PLEKHA1: variants seen among roughly 807,000 people sequenced by gnomAD.
PLEKHA1 encodes pleckstrin homology domain-containing family A member 1.
PLEKHA1 carries 34 observed loss-of-function variants against 52.0 expected under a neutral mutation model. The observed-to-expected ratio is 0.65, with a 90% CI of 0.50 to 0.87. PLEKHA1 has a LOEUF of 0.87. Among genes scored for constraint, PLEKHA1 ranks in the 40% least tolerant of loss-of-function variants. The pLI is 0.00. For missense variants in PLEKHA1, 497 were observed against 504.2 expected, an observed-to-expected ratio of 0.99 and a Z score of 0.14; for synonymous variants, 163 against 170.7, an observed-to-expected ratio of 0.95 and a Z score of 0.35.
intron 11 of PLEKHA1, chr10:122,428,367 A>G: frequency 3.2e-6 from 5 of 1,544,550 alleles, no homozygotes; most frequent in Non-Finnish European, 4.4e-6. Flanking sequence ...TCTCACGCAA[A>G]CGTGCCTTCT....
intron 10 of PLEKHA1, chr10:122,425,294 C>G (rs931355646): frequency 5.6e-6 from 1 of 178,182 alleles, no homozygotes; most frequent in Non-Finnish European, 1.2e-5. Flanking sequence ...TTTTTGGTAA[C>G]CTTATTAAAA....
chr10:122,409,768 A>T (rs958121386), intron 5 of PLEKHA1, among the ~76,000 whole-genome samples: 1 of 150,636 alleles, frequency 6.6e-6, no homozygotes, highest in Non-Finnish European at 1.5e-5. Flanking sequence ...TGACAATTTC[A>T]TTCTTTCTTT....
chr10:122,410,785 T>A (rs2097096360), intron 5 of PLEKHA1, among the ~76,000 whole-genome samples: 1 of 152,200 alleles, frequency 6.6e-6, no homozygotes, highest in South Asian at 2.1e-4. Context: ...TTTAAAGGTT[T>A]TTCCTAATAA....
In PLEKHA1 at chr10:122,409,602, T is replaced by C. The variant is rs1367301770; in HGVS notation, c.342+2929T>C. Among the ~76,000 whole-genome samples, 9 of 152,310 alleles carry C rather than the reference T, an allele frequency of 5.9e-5. No homozygotes were observed. The East Asian group carries it at 1.7e-3, about 29-fold the overall frequency. ...TTTAAAAATAAATGTTCGATTTGAA[T>C]CTAAAAATTAGTACTTTGAATTTGT... is the stretch of plus-strand genomic sequence containing the variant. On this transcript the variant is annotated intron_variant, in intron 5 of 11. Coordinates refer to ENST00000368990, the MANE Select transcript of PLEKHA1 (RefSeq NM_001001974.4).
At chr10:122,439,153 CTCTTT>C in the PLEKHA1 span, 1 of 152,064 alleles carries the variant, frequency 6.6e-6, no homozygotes, top group African/African-American at 2.4e-5. Flanking sequence ...ATTTTTATCC[CTCTTT>C]AATTTGGTGA....
chr10:122,416,880 T>A (rs1481429012), intron 7 of PLEKHA1: 1 of 154,044 alleles, frequency 6.5e-6, no homozygotes, highest in Non-Finnish European at 1.5e-5. Context: ...GCCAGGGGAA[T>A]GTCCTTTCAC....
chr10:122,394,204 A>T (rs1419406732), intron 2 of PLEKHA1, among the ~76,000 whole-genome samples: 1 of 149,784 alleles, frequency 6.7e-6, no homozygotes, highest in African/African-American at 2.5e-5. Flanking sequence ...CCTCCCGAGT[A>T]GCTGGGACTA....
At position 122,413,177 on chromosome 10, in the gene PLEKHA1, T is replaced by C. The variant is rs913543133; in HGVS notation, c.468+132T>C. 7 of 795,854 alleles carry C rather than the reference T, an allele frequency of 8.8e-6. No homozygotes were observed. In the African/African-American group the frequency reaches 1.1e-4, roughly 12 times the overall value. 49.3% of individuals were successfully genotyped at this position (795,854 alleles called of 1,614,324 possible). ...ATTACTATAAAATATTTTTGTTTAT[T>C]TCAAAAGTATTTATTATAAAAAATT... On this transcript the variant is annotated intron_variant, in intron 6 of 11. Coordinates refer to ENST00000368990, the MANE Select transcript of PLEKHA1 (RefSeq NM_001001974.4).
chr10:122,428,689 AATGC>A (rs2097375671), intron 11 of PLEKHA1, among the ~76,000 whole-genome samples: 2 of 152,228 alleles, frequency 1.3e-5, no homozygotes, highest in Non-Finnish European at 2.9e-5. Flanking sequence ...TATGCAAACT[AATGC>A]ATGCATATGC....
chr10:122,399,299 T>C (rs1439315995), intron 3 of PLEKHA1, among the ~76,000 whole-genome samples: 1 of 152,200 alleles, frequency 6.6e-6, no homozygotes, highest in East Asian at 1.9e-4. Context: ...GCTACAATTA[T>C]AAGTTCTATC....
At chr10:122,437,803 T>C in the PLEKHA1 span, 1 of 152,370 alleles carries the variant, frequency 6.6e-6, no homozygotes, top group East Asian at 1.9e-4. Flanking sequence ...AAATGCCCTT[T>C]GTGTTTGGCA....
chr10:122,384,406 A>C (rs554003216), intron 1 of PLEKHA1, among the ~76,000 whole-genome samples: 13 of 150,330 alleles, frequency 8.6e-5, no homozygotes, highest in Non-Finnish European at 1.6e-4. Flanking sequence ...CAGGAGATTG[A>C]GACCATCCTG....
intron 1 of PLEKHA1, among the ~76,000 whole-genome samples, chr10:122,385,797 G>A (rs1485904092): frequency 1.3e-5 from 2 of 152,092 alleles, no homozygotes; most frequent in African/African-American, 4.8e-5. Flanking sequence ...TTTATTAGTT[G>A]CGCATGTATC....
downstream of PLEKHA1, chr10:122,436,993 C>CTTTTTTTTTTTTTT (rs34565375): frequency 1.2e-5 from 1 of 84,856 alleles, no homozygotes; most frequent in Non-Finnish European, 2.1e-5. Context: ...TTACATCAGC[C>CTTTTTTTTTTTTTT]TTTTTTTTTT....
downstream of PLEKHA1, chr10:122,435,937 TC>T (rs1383385141): frequency 6.6e-6 from 1 of 151,768 alleles, no homozygotes; most frequent in Admixed American, 6.6e-5. Context: ...TTACTCAGTT[TC>T]CCCCCAACAG....
intron 7 of PLEKHA1, 114 bp downstream of exon 7, chr10:122,416,116 G>C: frequency 1.8e-6 from 2 of 1,142,822 alleles, no homozygotes; most frequent in Non-Finnish European, 2.4e-6. Context: ...GTGAGAGACC[G>C]GCATGCTGAG....
chr10:122,382,210 C>T (rs1431950838), intron 1 of PLEKHA1, among the ~76,000 whole-genome samples: 1 of 152,134 alleles, frequency 6.6e-6, no homozygotes, highest in Non-Finnish European at 1.5e-5. Context: ...GTGGACAACA[C>T]CACAATCAAT....
rs2097402012 is a variant in PLEKHA1, at chr10:122,429,917, C to A, written c.1194C>A (p.Ser398Arg). 2 of 1,613,058 alleles carry A rather than the reference C, an allele frequency of 1.2e-6. No individual in the cohort carries two copies. Among genetic ancestry groups the A allele is most frequent in the Non-Finnish European group, 1.7e-6 (2 of 1,179,492 alleles). ...ACCTAGTAGACTTGGACGATGCGAG[C>A]CTTCCGGTCAGTGACGTGTGAGGCA... ...DCDLVDLDDA[S>R]LPVSDV The change falls in exon 12 of 12, where the codon AGC (serine) becomes AGA (arginine). Residue 398 changes from serine (S) to arginine (R), a missense_variant. Transcript: ENST00000368990.
chr10:122,379,671 G>T (rs1197589058), intron 1 of PLEKHA1, among the ~76,000 whole-genome samples: 1 of 152,198 alleles, frequency 6.6e-6, no homozygotes, highest in Non-Finnish European at 1.5e-5. Flanking sequence ...CCAGAGCCAT[G>T]CCTGACTCTA....
Sources: gnomAD v4.1 joint callset for allele counts (sites outside exome capture counted in the v4.1 genomes callset) on GRCh38, gnomAD v4.1.1 for gene constraint, MANE v1.5 for transcripts, NCBI Gene and HGNC (gene_info 2026-07-23, HGNC 2026-07-21) for gene names.